Variants in PIWIL3 observed in about 807,000 individuals in gnomAD.
PIWIL3 encodes the protein piwi like RNA-mediated gene silencing 3.
Under a neutral mutation model 109.7 loss-of-function variants are expected in PIWIL3, and 101 were observed. That is an observed-to-expected ratio of 0.92 (90% confidence interval 0.78 to 1.09). The LOEUF (loss-of-function observed/expected upper bound fraction) is 1.09. Ranked by LOEUF, PIWIL3 falls within the 50% of genes least tolerant of loss-of-function variation. The pLI is 0.00. For missense variants in PIWIL3, 1,031 were observed against 1,072.6 expected (o/e 0.96, Z 0.54); for synonymous variants, 373 against 376.4 (o/e 0.99, Z 0.10).
At position 24,728,284 on chromosome 22, in the gene PIWIL3, C is replaced by T. The variant is rs1923115439; in HGVS notation, c.1798G>A (p.Val600Met). The change falls in exon 15 of 21, where the codon GTG becomes ATG. Residue 600 changes from valine (V) to methionine (M), a missense_variant. Physicochemically the swap from Val to Met is conservative, Grantham distance 21 (BLOSUM62 1). Transcript: ENST00000616349. The part of the protein sequence containing the change: ...CTKCPIPSQC[V>M]VKKTLEKVQA... ...ACTTTTTCTAAGGTCTTTTTCACCACACACTGGCTTGGAATTGGGCATTTG... is the reference window on the plus strand; with the variant it reads ...ACTTTTTCTAAGGTCTTTTTCACCATACACTGGCTTGGAATTGGGCATTTG... The T allele has an allele frequency of 1.9e-6, 3 of 1,614,090 alleles. No individual in the cohort carries two copies. In the African/African-American group the frequency reaches 4.0e-5, roughly 22 times the overall value.
intron 1 of PIWIL3, among the ~76,000 whole-genome samples, chr22:24,772,980 T>A (rs1216834868): frequency 6.6e-6 from 1 of 152,186 alleles, no homozygotes; most frequent in Non-Finnish European, 1.5e-5. Context: ...CTCTGGGTCC[T>A]ATGGGCTCAG....
Position 24,759,958 on chromosome 22 carries a change from G to T in PIWIL3, c.134C>A (p.Pro45His). 1 of 1,614,026 alleles carries T rather than the reference G, an allele frequency of 6.2e-7. No homozygotes were observed. The highest frequency in any genetic ancestry group is 8.5e-7 in the Non-Finnish European group (1 of 1,180,012). Residue 45 changes from proline (P) to histidine (H), a missense_variant, in exon 3 of 21, where the codon CCC (proline) becomes CAC (histidine). Coordinates refer to ENST00000616349, the MANE Select transcript of PIWIL3 (RefSeq NM_001255975.1). ...TGGGACTTCCTCCTGCAGCGGCCGG[G>T]GTGTCGACTGCAACTGAGGGGGCTC... ...TQEPPQLQST[P>H]RPLQEEVPVV...
intron 14 of PIWIL3, 147 bp from the exon 15 acceptor site, chr22:24,728,521 G>T (rs1264092464): frequency 2.8e-6 from 2 of 712,814 alleles, no homozygotes; most frequent in Non-Finnish European, 4.5e-6. Context: ...GAGGGCGAAG[G>T]GTCTAGAGCC....
chr22:24,743,086 C>T (rs1335666762), intron 12 of PIWIL3, among the ~76,000 whole-genome samples: 1 of 151,962 alleles, frequency 6.6e-6, no homozygotes, highest in Non-Finnish European at 1.5e-5. Flanking sequence ...CATGAATAGA[C>T]AATTCTCAAA....
intron 4 of PIWIL3, among the ~76,000 whole-genome samples, chr22:24,757,615 T>TAC (rs139481317): frequency 0.085 from 6,412 of 75,072 alleles, 286 homozygotes; most frequent in Non-Finnish European, 0.1. Context: ...AAAATTTACA[T>TAC]ACACACACAC....
intron 5 of PIWIL3, 30 bp from the exon 6 acceptor site, chr22:24,755,935 T>G: frequency 6.3e-7 from 1 of 1,590,978 alleles, no homozygotes. Context: ...AAAAAAAAAG[T>G]CCAGATATTC....
intron 1 of PIWIL3, among the ~76,000 whole-genome samples, chr22:24,770,993 G>C (rs1926104745): frequency 6.6e-6 from 1 of 151,916 alleles, no homozygotes; most frequent in Admixed American, 6.6e-5. Context: ...GCTCCAGGGG[G>C]ACAATAACTC....
rs1339856804 is a variant in PIWIL3 at position 24,754,712 on chromosome 22, G to A, written c.773+72C>T. On this transcript the variant is annotated intron_variant, in intron 7 of 20. Coordinates refer to ENST00000616349, the MANE Select transcript of PIWIL3 (RefSeq NM_001255975.1). ...TTTTAAGGCATACCACTTCAAATATGAAATGAATAACTTTCTCAAAAAATC... is the reference window on the plus strand; with the variant it reads ...TTTTAAGGCATACCACTTCAAATATAAAATGAATAACTTTCTCAAAAAATC... 1.0e-5 allele frequency: 13 copies of A among 1,261,344 alleles called. No individual in the cohort carries two copies. The Admixed American group carries it at 1.8e-4, about 17-fold the overall frequency. 78.1% of individuals were successfully genotyped at this position (1,261,344 alleles called of 1,614,324 possible). A position where few individuals can be genotyped will look rare whatever the true frequency, so the allele number is the denominator to read the frequency against.
At chr22:24,757,616 A>G (rs1925127858) in intron 4 of PIWIL3, among the ~76,000 whole-genome samples, 1 of 41,750 alleles carries the variant, frequency 2.4e-5, no homozygotes, top group African/African-American at 7.6e-5. Flanking sequence ...AAATTTACAT[A>G]CACACACACA....
chr22:24,751,492 G>A lies in PIWIL3; in HGVS notation c.984C>T (p.Asn328=), dbSNP rs1195876463. Residue 328 remains asparagine, a synonymous_variant, in exon 9 of 21, where the codon AAC becomes AAT. Transcript: ENST00000616349. ...LIGSIVLTKY[N]NKTYRVDDID... Reference sequence around the variant, plus strand: ...TATCATCTACTCTGTAGGTTTTGTTGTTGTATCTGTGGAATAATTACAATA... The same window carrying A: ...TATCATCTACTCTGTAGGTTTTGTTATTGTATCTGTGGAATAATTACAATA... 10 of 1,609,522 alleles carry A rather than the reference G, an allele frequency of 6.2e-6. No individual in the cohort carries two copies. The highest frequency in any genetic ancestry group is 1.1e-5 in the South Asian group (1 of 89,650).
intron 12 of PIWIL3, among the ~76,000 whole-genome samples, chr22:24,746,682 C>T (rs1351545365): frequency 1.4e-5 from 2 of 145,210 alleles, no homozygotes; most frequent in African/African-American, 5.0e-5. Flanking sequence ...TTGCAGGATA[C>T]AAAAAAACAA....
At chr22:24,765,857 G>GA (rs397934346) in intron 1 of PIWIL3, among the ~76,000 whole-genome samples, 1 of 151,530 alleles carries the variant, frequency 6.6e-6, no homozygotes, top group African/African-American at 2.4e-5. Context: ...AAAAAATGGG[G>GA]AAAAAAAGCA....
chr22:24,740,064 A>T (rs568575426), intron 12 of PIWIL3, among the ~76,000 whole-genome samples: 1 of 150,978 alleles, frequency 6.6e-6, no homozygotes, highest in African/African-American at 2.4e-5. Flanking sequence ...AAAAAAAAAA[A>T]AAAAATTAGC....
chr22:24,737,983 T>C (rs1444749123), intron 12 of PIWIL3, among the ~76,000 whole-genome samples: 1 of 152,044 alleles, frequency 6.6e-6, no homozygotes, highest in East Asian at 1.9e-4. Flanking sequence ...AAACCCCGTC[T>C]TCTACTAAAA....
In PIWIL3 at chr22:24,720,259, GTTTTTTT is replaced by G. The variant is rs56087060; in HGVS notation, c.2358-371_2358-365del. On this transcript the variant is annotated intron_variant, in intron 19 of 20. Transcript: ENST00000616349. ...AGAATCACTGGACTATATTTAAACTGTTTTTTTTTTTTTTTTTTTTTTTTTTTTTTTA... is the reference window on the plus strand; with the variant it reads ...AGAATCACTGGACTATATTTAAACTGTTTTTTTTTTTTTTTTTTTTTTTTA... 4.9e-4 allele frequency among the ~76,000 whole-genome samples: 52 copies of G among 105,530 alleles called. 2 individuals carry two copies. Among genetic ancestry groups the G allele is most frequent in the South Asian group, 6.8e-4 (2 of 2,960 alleles). The allele number at this position is 105,530 out of a possible 152,430, so 69.2% of individuals were successfully genotyped here.
At chr22:24,721,616 C>A (rs905601995) in intron 19 of PIWIL3, among the ~76,000 whole-genome samples, 2 of 152,176 alleles carry the variant, frequency 1.3e-5, no homozygotes, top group Admixed American at 1.3e-4. Flanking sequence ...TTCCAGTTAA[C>A]AATTTGTTTT....
intron 14 of PIWIL3, among the ~76,000 whole-genome samples, chr22:24,731,524 G>A (rs187526647): frequency 4.6e-5 from 7 of 152,140 alleles, no homozygotes; most frequent in Admixed American, 2.0e-4. Context: ...GGTGGCGGAC[G>A]CCTGTAGTCC....
intron 6 of PIWIL3, 116 bp downstream of exon 6, chr22:24,755,666 CTT>C: frequency 3.7e-6 from 5 of 1,333,336 alleles, no homozygotes; most frequent in Non-Finnish European, 5.2e-6. Context: ...CCTTCACTCT[CTT>C]AATACATGAG....
intron 1 of PIWIL3, among the ~76,000 whole-genome samples, chr22:24,766,042 G>GA (rs71189280): frequency 0.29 from 42,287 of 143,508 alleles, 6,810 homozygotes; most frequent in East Asian, 0.55. Context: ...CAACTTAATG[G>GA]AAAAAAAAAA....
Sources: gnomAD v4.1 joint callset for allele counts (sites outside exome capture counted in the v4.1 genomes callset) on GRCh38, gnomAD v4.1.1 for gene constraint, MANE v1.5 for transcripts, NCBI Gene and HGNC (gene_info 2026-07-23, HGNC 2026-07-21) for gene names.